The following SH3D19 variants were observed in gnomAD, a reference collection of about 807,000 sequenced individuals.
SH3D19 encodes the protein SH3 domain containing 19, also known as SH3 domain-containing protein 19.
Under a neutral mutation model 112.1 loss-of-function variants are expected in SH3D19, and 58 were observed. That is an observed-to-expected ratio of 0.52 (90% CI 0.42 to 0.64). SH3D19 has a LOEUF of 0.64. SH3D19 is among the 30% of genes least tolerant of loss of function. The pLI is 0.00. For missense variants in SH3D19, 1,090 were observed against 1,263.4 expected, an observed-to-expected ratio of 0.86 and a Z score of 2.08; for synonymous variants, 391 against 448.5, an observed-to-expected ratio of 0.87 and a Z score of 1.62.
chr4:151,137,937 T>C, intron 13 of SH3D19, 75 bp from the exon 14 acceptor site: 2 of 1,307,084 alleles, frequency 1.5e-6, no homozygotes, highest in South Asian at 1.6e-5. Context: ...AAGTAGCATT[T>C]AGTTGTGTCC....
At chr4:151,312,538 T>A (rs1299616172) in intron 1 of SH3D19, among the ~76,000 whole-genome samples, 1 of 152,206 alleles carries the variant, frequency 6.6e-6, no homozygotes, top group Non-Finnish European at 1.5e-5. Context: ...TAGAGATAAC[T>A]GAGGGCCTTG....
At chr4:151,188,386 C>T (rs1418003914) in intron 2 of SH3D19, among the ~76,000 whole-genome samples, 4 of 152,060 alleles carry the variant, frequency 2.6e-5, no homozygotes, top group South Asian at 4.1e-4. Context: ...AAGGTAGAGG[C>T]GGAATGTCCC....
At chr4:151,311,404 AAAG>A (rs1164270580) in intron 1 of SH3D19, among the ~76,000 whole-genome samples, 4 of 152,136 alleles carry the variant, frequency 2.6e-5, no homozygotes, top group Middle Eastern at 3.4e-3. Flanking sequence ...TAGAGAAAAA[AAAG>A]AAGGAGGAAA....
chr4:151,176,941 G>A lies in SH3D19; in HGVS notation c.251C>T (p.Thr84Ile). The change falls in exon 5 of 20, where the codon ACC (threonine) becomes ATC (isoleucine). Residue 84 changes from threonine (T) to isoleucine (I), a missense_variant. By Grantham distance (89) the Thr-to-Ile change is moderately conservative (BLOSUM62 -1). Coordinates refer to ENST00000604030, the MANE Select transcript of SH3D19 (RefSeq NM_001378122.1). ...LHRDRRRPEI[T>I]IVAAEPLRPA... Reference sequence around the variant, plus strand: ...CCTCAGTGGCTCAGCTGCCACAATGGTGATCTCTGGGCGCCTAGTGGACAG... The same window carrying A: ...CCTCAGTGGCTCAGCTGCCACAATGATGATCTCTGGGCGCCTAGTGGACAG... The A allele has an allele frequency of 8.1e-7, 1 of 1,232,224 alleles. No homozygotes were observed. 76.3% of individuals were successfully genotyped at this position (1,232,224 alleles called of 1,614,324 possible). A position where few individuals can be genotyped will look rare whatever the true frequency, so the allele number is the denominator to read the frequency against.
intron 1 of SH3D19, among the ~76,000 whole-genome samples, chr4:151,292,700 G>T (rs1775426525): frequency 6.6e-6 from 1 of 152,080 alleles, no homozygotes; most frequent in Non-Finnish European, 1.5e-5. Flanking sequence ...ACTTCTTTAA[G>T]TCATCCTTTA....
At chr4:151,316,043 A>G (rs1002835363) in intron 1 of SH3D19, among the ~76,000 whole-genome samples, 14 of 152,212 alleles carry the variant, frequency 9.2e-5, no homozygotes, top group Middle Eastern at 3.4e-3. Context: ...AAAAAGAGTA[A>G]CTTTCAAGCA....
At chr4:151,292,808 A>G (rs1005836435) in intron 1 of SH3D19, among the ~76,000 whole-genome samples, 21 of 152,234 alleles carry the variant, frequency 1.4e-4, no homozygotes, top group African/African-American at 2.4e-5. Flanking sequence ...AGTTGACTTA[A>G]AGTAAGTACA....
intron 1 of SH3D19, among the ~76,000 whole-genome samples, chr4:151,234,031 T>C (rs1769815219): frequency 6.6e-6 from 1 of 152,230 alleles, no homozygotes; most frequent in Admixed American, 6.5e-5. Context: ...TGCAAAATGA[T>C]GTGTCTTAAG....
Position 151,174,992 on chromosome 4 carries a change from G to A in SH3D19, c.1212C>T (p.Pro404=), listed in dbSNP as rs770278675. The A allele has an allele frequency of 1.9e-6, 3 of 1,614,202 alleles. No individual in the cohort carries two copies. In the South Asian group the frequency reaches 3.3e-5, roughly 18 times the overall value. ...TCCCACTATCAGAGCTCTCAGCCAG[G>A]GGCCCTCTTCCCGGAATCTCAGGAT... ...SVNPEIPGRG[P]LAESSDSGKK... The change falls in exon 7 of 20, where the codon CCC becomes CCT. Residue 404 remains proline (P), a synonymous_variant. Coordinates refer to ENST00000604030, the MANE Select transcript of SH3D19 (RefSeq NM_001378122.1).
chr4:151,160,830 A>G (rs1481438399), intron 8 of SH3D19, among the ~76,000 whole-genome samples: 1 of 152,176 alleles, frequency 6.6e-6, no homozygotes, highest in Non-Finnish European at 1.5e-5. Context: ...GCAACTAGGA[A>G]AACAATGATT....
At chr4:151,298,614 G>A (rs927852815) in intron 1 of SH3D19, among the ~76,000 whole-genome samples, 2 of 149,934 alleles carry the variant, frequency 1.3e-5, no homozygotes, top group Non-Finnish European at 3.0e-5. Flanking sequence ...CTAGAGTTCA[G>A]AAGAGAGGGC....
At chr4:151,189,089 G>A (rs1762229960) in intron 2 of SH3D19, among the ~76,000 whole-genome samples, 1 of 152,070 alleles carries the variant, frequency 6.6e-6, no homozygotes, top group Non-Finnish European at 1.5e-5. Context: ...CTGTGAGACA[G>A]TAAGTTTCTG....
intron 3 of SH3D19, among the ~76,000 whole-genome samples, chr4:151,185,189 C>T (rs1761595323): frequency 6.6e-6 from 1 of 151,664 alleles, no homozygotes; most frequent in Admixed American, 6.6e-5. Flanking sequence ...GTCCTGAAAT[C>T]CAAGGGAATT....
At chr4:151,208,610 T>C (rs1765459587) in intron 2 of SH3D19, among the ~76,000 whole-genome samples, 1 of 152,152 alleles carries the variant, frequency 6.6e-6, no homozygotes, top group Non-Finnish European at 1.5e-5. Context: ...CCTCAGGTGA[T>C]CCACCTGCCT....
At chr4:151,178,764 T>C (rs961788549) in intron 4 of SH3D19, among the ~76,000 whole-genome samples, 4 of 152,188 alleles carry the variant, frequency 2.6e-5, no homozygotes, top group African/African-American at 9.7e-5. Flanking sequence ...AAAACCTCTC[T>C]ATCTGATTGA....
At chr4:151,269,606 G>A (rs1186793338) in intron 1 of SH3D19, among the ~76,000 whole-genome samples, 1 of 151,952 alleles carries the variant, frequency 6.6e-6, no homozygotes, top group East Asian at 1.9e-4. Context: ...ATCCATCTAA[G>A]TGTATTTTTA....
chr4:151,300,625 G>C (rs974090280), intron 1 of SH3D19: 8 of 150,658 alleles, frequency 5.3e-5, no homozygotes, highest in African/African-American at 2.0e-4. Context: ...TTTTTAAGGT[G>C]TATGGCCATG....
Position 151,258,643 on chromosome 4 carries a change from G to A in SH3D19, c.113-32557C>T, listed in dbSNP as rs541253819. On this transcript the variant is annotated intron_variant, in intron 1 of 19. Transcript: ENST00000604030. Reference sequence around the variant, plus strand: ...AATCCCAGACACCCTGCTCTCCCAGGACAGCAGGGGACGCCGCAGACCCCC... The same window carrying A: ...AATCCCAGACACCCTGCTCTCCCAGAACAGCAGGGGACGCCGCAGACCCCC... 5.9e-5 allele frequency among the ~76,000 whole-genome samples: 9 copies of A among 152,298 alleles called. No individual in the cohort carries two copies. The South Asian group carries it at 1.9e-3, about 32-fold the overall frequency.
intron 17 of SH3D19, among the ~76,000 whole-genome samples, chr4:151,130,372 G>T (rs1050228565): frequency 2.6e-5 from 4 of 152,032 alleles, no homozygotes; most frequent in Non-Finnish European, 4.4e-5. Context: ...GGAAGCAGAG[G>T]TTGCAGTGAG....
Sources: gnomAD v4.1 joint callset for allele counts (sites outside exome capture counted in the v4.1 genomes callset) on GRCh38, gnomAD v4.1.1 for gene constraint, MANE v1.5 for transcripts, NCBI Gene and HGNC (gene_info 2026-07-23, HGNC 2026-07-21) for gene names.